COL21A1: variants seen among roughly 807,000 people sequenced by gnomAD.
COL21A1 encodes the protein collagen alpha-1(XXI) chain.
In COL21A1, 149 loss-of-function variants were observed where a neutral mutation model predicts 137.9. The ratio of observed to expected loss-of-function variants is 1.08; its 90% CI spans 0.95 to 1.24. The LOEUF (loss-of-function observed/expected upper bound fraction) is 1.24. Ranked by LOEUF, COL21A1 falls within the 50% of genes most tolerant of loss-of-function variation. The probability of loss-of-function intolerance (pLI) is 0.00; values close to 1 mark genes in which losing one functional copy is unlikely to be tolerated. For missense variants in COL21A1, 1,167 were observed against 1,158.4 expected (o/e 1.01, Z -0.11); for synonymous variants, 456 against 391.5 (o/e 1.16, Z -1.95).
At chr6:56,211,941 C>A (rs1780199692) in intron 1 of COL21A1, among the ~76,000 whole-genome samples, 1 of 151,974 alleles carries the variant, frequency 6.6e-6, no homozygotes, top group Non-Finnish European at 1.5e-5. Flanking sequence ...ATTTTTCTAA[C>A]CAAGTTTGAT....
intron 1 of COL21A1, among the ~76,000 whole-genome samples, chr6:56,224,907 C>G (rs1781091376): frequency 6.6e-6 from 1 of 152,058 alleles, no homozygotes; most frequent in South Asian, 2.1e-4. Flanking sequence ...CCACCTACCT[C>G]TCATCATCAA....
chr6:56,255,020 A>T (rs1457423160), intron 1 of COL21A1, among the ~76,000 whole-genome samples: 1 of 152,074 alleles, frequency 6.6e-6, no homozygotes, highest in Admixed American at 6.6e-5. Context: ...TTAAATTTCA[A>T]TTCTGTTTAA....
At chr6:56,100,691 A>C (rs1372736110) in intron 17 of COL21A1, among the ~76,000 whole-genome samples, 1 of 152,182 alleles carries the variant, frequency 6.6e-6, no homozygotes, top group Non-Finnish European at 1.5e-5. Context: ...ACATAATCAT[A>C]CACAAGATGA....
chr6:56,223,682 A>T (rs1781002842), intron 1 of COL21A1, among the ~76,000 whole-genome samples: 1 of 152,112 alleles, frequency 6.6e-6, no homozygotes, highest in South Asian at 2.1e-4. Context: ...ATGTAGAATG[A>T]TATTTGCATA....
intron 1 of COL21A1, among the ~76,000 whole-genome samples, chr6:56,242,934 T>C (rs1480088242): frequency 1.3e-5 from 2 of 152,174 alleles, no homozygotes; most frequent in Non-Finnish European, 2.9e-5. Context: ...GTCAACATTA[T>C]CTGATTTTTT....
At chr6:56,374,715 C>T (rs1007159600) in intron 1 of COL21A1, among the ~76,000 whole-genome samples, 19 of 97,542 alleles carry the variant, frequency 1.9e-4, no homozygotes, top group Admixed American at 1.9e-3. Context: ...AGTGAGACTT[C>T]GTCTCAAAAA....
At chr6:56,232,067 G>C (rs1430656887) in intron 1 of COL21A1, among the ~76,000 whole-genome samples, 1 of 151,826 alleles carries the variant, frequency 6.6e-6, no homozygotes, top group African/African-American at 2.4e-5. Context: ...CTGCCAAGTG[G>C]GATGGCAAGA....
chr6:56,288,602 A>C (rs75695661), intron 1 of COL21A1, among the ~76,000 whole-genome samples: 9,410 of 152,242 alleles, frequency 0.062, 465 homozygotes, highest in African/African-American at 0.13. Flanking sequence ...AAAGAGCAGA[A>C]AGAGTAGATA....
intron 1 of COL21A1, among the ~76,000 whole-genome samples, chr6:56,296,742 T>C (rs1013671894): frequency 6.6e-6 from 1 of 152,000 alleles, no homozygotes; most frequent in Non-Finnish European, 1.5e-5. Context: ...ATTCCTATAA[T>C]ACTAACCACC....
chr6:56,069,893 A>AG (rs1766597137), intron 21 of COL21A1, among the ~76,000 whole-genome samples: 5 of 151,384 alleles, frequency 3.3e-5, no homozygotes, highest in African/African-American at 1.2e-4. Flanking sequence ...GTATTTATTT[A>AG]CATATGTGGA....
chr6:56,089,191 T>C (rs1768553174), intron 17 of COL21A1, among the ~76,000 whole-genome samples: 1 of 152,170 alleles, frequency 6.6e-6, no homozygotes, highest in South Asian at 2.1e-4. Flanking sequence ...CTGCAACAGT[T>C]GAGCTCACCA....
chr6:56,385,121 G>A (rs769761049), intron 1 of COL21A1, among the ~76,000 whole-genome samples: 4 of 152,204 alleles, frequency 2.6e-5, no homozygotes, highest in African/African-American at 4.8e-5. Context: ...TGTTAGACTC[G>A]TGGAGAGGTT....
intron 1 of COL21A1, among the ~76,000 whole-genome samples, chr6:56,201,613 G>C (rs1458633708): frequency 6.6e-6 from 1 of 152,064 alleles, no homozygotes; most frequent in African/African-American, 2.4e-5. Context: ...TCAGATAGTT[G>C]TAGATATGCG....
chr6:56,349,344 C>T (rs942981030), intron 1 of COL21A1, among the ~76,000 whole-genome samples: 4 of 101,206 alleles, frequency 4.0e-5, no homozygotes, highest in Non-Finnish European at 8.6e-5. Flanking sequence ...ACCCGCCCCC[C>T]TGAAAAAAAA....
At chr6:56,186,979 T>C (rs1778348285) in intron 1 of COL21A1, among the ~76,000 whole-genome samples, 2 of 152,238 alleles carry the variant, frequency 1.3e-5, no homozygotes, top group African/African-American at 4.8e-5. Context: ...ATAACAAAGT[T>C]GGAGAACTGA....
rs1287662136 is a variant in COL21A1 at position 56,364,324 on chromosome 6, A to T, written c.-39+29647T>A. 2.6e-5 allele frequency among the ~76,000 whole-genome samples: 4 copies of T among 152,256 alleles called. No individual in the cohort carries two copies. The East Asian group carries it at 7.7e-4, about 29-fold the overall frequency. ...CAGAAAAGAGGCAGGCAAAAATTAAAACCCTCAATGATTCCTCTACCTCCA... is the reference window on the plus strand; with the variant it reads ...CAGAAAAGAGGCAGGCAAAAATTAATACCCTCAATGATTCCTCTACCTCCA... On this transcript the variant is annotated intron_variant, in intron 1 of 28. Coordinates refer to the COL21A1 transcript ENST00000370819.
At chr6:56,315,810 T>G (rs1764718309) in intron 1 of COL21A1, among the ~76,000 whole-genome samples, 1 of 152,144 alleles carries the variant, frequency 6.6e-6, no homozygotes, top group Non-Finnish European at 1.5e-5. Context: ...CATACCATAG[T>G]TAATAATAAT....
intron 1 of COL21A1, among the ~76,000 whole-genome samples, chr6:56,197,746 G>T (rs1779119737): frequency 6.6e-6 from 1 of 152,088 alleles, no homozygotes; most frequent in African/African-American, 2.4e-5. Flanking sequence ...CTTGTACACT[G>T]TTGGTGGAAC....
At chr6:56,076,938 G>T (rs1767292722) in intron 18 of COL21A1, among the ~76,000 whole-genome samples, 1 of 151,228 alleles carries the variant, frequency 6.6e-6, no homozygotes, top group African/African-American at 2.4e-5. Flanking sequence ...TAGTGAATTT[G>T]AAGAACACTA....
Sources: allele counts gnomAD v4.1 joint callset (sites outside exome capture counted in the v4.1 genomes callset), GRCh38; gene constraint gnomAD v4.1.1; transcripts MANE v1.5; gene names NCBI Gene and HGNC (gene_info 2026-07-23, HGNC 2026-07-21).